The following WDR44 variants were observed in gnomAD, a reference collection of about 807,000 sequenced individuals.
The protein encoded by WDR44 is WD repeat-containing protein 44.
A neutral mutation model predicts 65.7 loss-of-function variants in WDR44; 9 were observed. That is an observed-to-expected ratio of 0.14 (90% CI 0.08 to 0.24). The LOEUF (loss-of-function observed/expected upper bound fraction) is 0.24. Among genes scored for constraint, WDR44 ranks in the 10% least tolerant of loss-of-function variants. The pLI, the probability that WDR44 is intolerant of heterozygous loss-of-function variation, is 1.00. For synonymous variants in WDR44, 220 were observed against 235.2 expected (o/e 0.94, Z 0.59); for missense variants, 425 against 670.9 (o/e 0.63, Z 4.05).
At position 118,394,043 on chromosome X, in the gene WDR44, T is replaced by C. The variant is rs775581509; in HGVS notation, c.827-12T>C. On this transcript the variant is annotated splice_polypyrimidine_tract_variant and intron_variant, in intron 4 of 19. Coordinates refer to ENST00000254029, the MANE Select transcript of WDR44 (RefSeq NM_019045.5). The stretch of plus-strand genomic sequence containing the variant: ...AGGGTTGTTATTATTGTTGTTATTA[T>C]TATCATTGCAGTTCCCAAAGAGAAT... 1 of 1,200,391 alleles carries C rather than the reference T, an allele frequency of 8.3e-7. No individual in the cohort carries two copies. Among genetic ancestry groups the C allele is most frequent in the Non-Finnish European group, 1.1e-6 (1 of 886,731 alleles).
At chrX:118,425,442 G>A (rs2057147976) in intron 12 of WDR44, among the ~76,000 whole-genome samples, 1 of 111,611 alleles carries the variant, frequency 9.0e-6, no homozygotes, top group African/African-American at 3.3e-5. Context: ...GAGGTCAGGA[G>A]TTCAAGACCA....
At chrX:118,373,579 A>G (rs903889730) in intron 1 of WDR44, among the ~76,000 whole-genome samples, 1 of 111,757 alleles carries the variant, frequency 8.9e-6, no homozygotes, top group Non-Finnish European at 1.9e-5. Context: ...AGTCCAATTC[A>G]AGAAGCAGCG....
chrX:118,399,498 C>T (rs2056893750), intron 8 of WDR44, among the ~76,000 whole-genome samples: 1 of 111,287 alleles, frequency 9.0e-6, no homozygotes, highest in Non-Finnish European at 1.9e-5. Flanking sequence ...ATATTTGGAA[C>T]TTGGCCATCT....
intron 12 of WDR44, among the ~76,000 whole-genome samples, chrX:118,427,515 C>T (rs1020987244): frequency 9.2e-6 from 1 of 108,640 alleles, no homozygotes; most frequent in African/African-American, 3.4e-5. Context: ...CGTGATCTGC[C>T]CTCCTCGGCC....
chrX:118,394,215 G>A, intron 5 of WDR44, 30 bp downstream of exon 5: 1 of 1,202,503 alleles, frequency 8.3e-7, no homozygotes, highest in Non-Finnish European at 1.1e-6. Flanking sequence ...GTTTCATATA[G>A]ACTTTATCAG....
chrX:118,367,879 A>G (rs951845014), intron 1 of WDR44, among the ~76,000 whole-genome samples: 2 of 111,749 alleles, frequency 1.8e-5, no homozygotes, highest in African/African-American at 6.5e-5. Context: ...AGGATTTTGA[A>G]AAGGATTACT....
chrX:118,409,402 T>C, intron 10 of WDR44, 87 bp from the exon 11 acceptor site: 1 of 1,043,505 alleles, frequency 9.6e-7, no homozygotes, highest in Non-Finnish European at 1.3e-6. Context: ...AGTGCTGAGA[T>C]TACAGACGTG....
chrX:118,376,712 A>AT (rs1163800993), intron 1 of WDR44, among the ~76,000 whole-genome samples: 3 of 111,830 alleles, frequency 2.7e-5, no homozygotes, highest in Non-Finnish European at 5.6e-5. Flanking sequence ...TTTAAAAATT[A>AT]TTACATCCAG....
At chrX:118,414,541 C>T (rs1330972814) in intron 12 of WDR44, among the ~76,000 whole-genome samples, 1 of 111,255 alleles carries the variant, frequency 9.0e-6, no homozygotes, top group African/African-American at 3.3e-5. Flanking sequence ...TTGTTTGTGT[C>T]GTCCATGATT....
At chrX:118,402,945 A>G (rs1047136233) in intron 8 of WDR44, among the ~76,000 whole-genome samples, 2 of 111,804 alleles carry the variant, frequency 1.8e-5, no homozygotes, top group African/African-American at 6.5e-5. Context: ...TATACGTTCC[A>G]AGATCCCCAG....
intron 1 of WDR44, among the ~76,000 whole-genome samples, chrX:118,375,392 G>A (rs1239417968): frequency 9.2e-6 from 1 of 108,389 alleles, no homozygotes; most frequent in Non-Finnish European, 1.9e-5. Context: ...CCCCTTAAAG[G>A]TTTTTCAGGC....
intron 13 of WDR44, among the ~76,000 whole-genome samples, chrX:118,435,753 A>T (rs962808187): frequency 8.9e-6 from 1 of 112,927 alleles, no homozygotes; most frequent in African/African-American, 3.2e-5. Context: ...TATTTCAAAG[A>T]TTATTGTAAA....
rs752918183 is a variant in WDR44, at chrX:118,358,104, C to T, written c.77+11524C>T. On this transcript the variant is annotated intron_variant, in intron 1 of 19. Transcript: ENST00000254029. ...AAAGCATCTTGATCAGCAACAGCTACCAAATAACCCAGCTTTTAACAAAAA... is the reference window on the plus strand; with the variant it reads ...AAAGCATCTTGATCAGCAACAGCTATCAAATAACCCAGCTTTTAACAAAAA... Among the ~76,000 whole-genome samples the T allele has an allele frequency of 4.4e-3, 496 of 112,131 alleles. 1 individual carries two copies. The highest frequency in any genetic ancestry group is 0.015 in the African/African-American group (466 of 30,853).
chrX:118,419,574 T>C (rs2057087153), intron 12 of WDR44, among the ~76,000 whole-genome samples: 1 of 111,463 alleles, frequency 9.0e-6, no homozygotes, highest in African/African-American at 3.3e-5. Flanking sequence ...CTTCAGAGGG[T>C]CTGTGGGTTC....
chrX:118,438,795 A>ATTTTTTTTTTTTTT (rs2057276055), intron 14 of WDR44, among the ~76,000 whole-genome samples: 3 of 62,547 alleles, frequency 4.8e-5, no homozygotes, highest in African/African-American at 7.4e-5. Flanking sequence ...CTGTTCAGCC[A>ATTTTTTTTTTTTTT]TGTTTTTTTT....
intron 1 of WDR44, among the ~76,000 whole-genome samples, chrX:118,372,900 C>G (rs1346705021): frequency 9.0e-6 from 1 of 111,559 alleles, no homozygotes; most frequent in Non-Finnish European, 1.9e-5. Context: ...ACCAGCCTGG[C>G]CAATGTGGCG....
At chrX:118,363,936 A>G (rs2056532651) in intron 1 of WDR44, among the ~76,000 whole-genome samples, 1 of 112,191 alleles carries the variant, frequency 8.9e-6, no homozygotes. Context: ...TTTCATTTTT[A>G]TTACTTGATG....
At chrX:118,445,280 G>A (rs1268089891) in intron 19 of WDR44, among the ~76,000 whole-genome samples, 1 of 112,008 alleles carries the variant, frequency 8.9e-6, no homozygotes, top group Non-Finnish European at 1.9e-5. Flanking sequence ...GTGTGACAGA[G>A]CAAGACTCCA....
At chrX:118,398,695 G>A (rs761345550) in intron 8 of WDR44, among the ~76,000 whole-genome samples, 8 of 112,247 alleles carry the variant, frequency 7.1e-5, no homozygotes, top group Non-Finnish European at 1.1e-4. Context: ...GGGAGGCCAA[G>A]GCAGGCAGAT....
Sources: gnomAD v4.1 joint callset for allele counts (sites outside exome capture counted in the v4.1 genomes callset) on GRCh38, gnomAD v4.1.1 for gene constraint, MANE v1.5 for transcripts, NCBI Gene and HGNC (gene_info 2026-07-23, HGNC 2026-07-21) for gene names.